Variants in FBXL20 observed in about 807,000 individuals in gnomAD.
The protein encoded by FBXL20 is F-box and leucine rich repeat protein 20.
FBXL20 carries 11 observed loss-of-function variants against 64.0 expected under a neutral mutation model. The observed-to-expected ratio is 0.17, with a 90% confidence interval of 0.11 to 0.28. The LOEUF (loss-of-function observed/expected upper bound fraction) is 0.28. FBXL20 is among the 10% of genes least tolerant of loss of function. FBXL20 has a pLI of 1.00. For missense variants in FBXL20, 303 were observed against 526.2 expected (o/e 0.58, Z 4.15); for synonymous variants, 184 against 189.0 (o/e 0.97, Z 0.22).
chr17:39,269,709 G>T (rs1013366045), intron 11 of FBXL20, among the ~76,000 whole-genome samples: 1 of 150,664 alleles, frequency 6.6e-6, no homozygotes, highest in African/African-American at 2.4e-5. Context: ...TGTGGGTCAG[G>T]CTGATCTCGA....
chr17:39,297,034 AT>A, intron 6 of FBXL20, 92 bp downstream of exon 6: 1 of 697,292 alleles, frequency 1.4e-6, no homozygotes, highest in Non-Finnish European at 2.3e-6. Context: ...CCAAGATAAA[AT>A]TTGCTCAATA....
chr17:39,399,961 G>A (rs993887930), intron 1 of FBXL20, among the ~76,000 whole-genome samples: 3 of 152,098 alleles, frequency 2.0e-5, no homozygotes, highest in Non-Finnish European at 4.4e-5. Context: ...CCTGTTAACT[G>A]CTGAACGTCT....
At chr17:39,338,811 A>T (rs914012942) in intron 2 of FBXL20, among the ~76,000 whole-genome samples, 2 of 152,194 alleles carry the variant, frequency 1.3e-5, no homozygotes, top group Non-Finnish European at 2.9e-5. Flanking sequence ...TGAGAAAACA[A>T]GAGTAAACAT....
chr17:39,309,957 C>A (rs1489870797), intron 2 of FBXL20, among the ~76,000 whole-genome samples: 5 of 151,610 alleles, frequency 3.3e-5, no homozygotes, highest in African/African-American at 9.7e-5. Context: ...GAGTTCAAGA[C>A]CAGCCTGGGC....
At chr17:39,296,867 A>G (rs547656164) in intron 6 of FBXL20, among the ~76,000 whole-genome samples, 2 of 152,306 alleles carry the variant, frequency 1.3e-5, no homozygotes, top group South Asian at 2.1e-4. Context: ...AATCCCAGTA[A>G]TATGTATTAT....
chr17:39,381,818 C>G (rs1332360456), intron 1 of FBXL20, among the ~76,000 whole-genome samples: 1 of 151,108 alleles, frequency 6.6e-6, no homozygotes, highest in Admixed American at 6.6e-5. Flanking sequence ...AAAAAAAGGC[C>G]GGGCACAGTG....
Position 39,388,778 on chromosome 17 carries a change from G to A in FBXL20, c.42+12583C>T, listed in dbSNP as rs1026360484. ...ATTACAGGTGTGAGCCACCGCGCCC[G>A]GCAAAAGCTGCATTTTTTGTTGTGC... On this transcript the variant is annotated intron_variant, in intron 1 of 14. Transcript: ENST00000264658. Among the ~76,000 whole-genome samples, 13 of 147,226 alleles carry A rather than the reference G, an allele frequency of 8.8e-5. No individual in the cohort carries two copies. The East Asian group carries it at 1.6e-3, about 18-fold the overall frequency.
chr17:39,295,807 T>TATATATATATATATATATATA (rs1567867921), intron 6 of FBXL20, among the ~76,000 whole-genome samples: 11 of 126,616 alleles, frequency 8.7e-5, no homozygotes, highest in African/African-American at 2.8e-4. Flanking sequence ...ATATATATAT[T>TATATATATATATATATATATA]AAGTCTTCTG....
At chr17:39,275,228 A>G (rs1377457895) in intron 9 of FBXL20, 128 bp from the exon 10 acceptor site, 2 of 956,352 alleles carry the variant, frequency 2.1e-6, no homozygotes, top group Non-Finnish European at 3.0e-6. Flanking sequence ...CATTCATCAG[A>G]TAGCAGACCT....
chr17:39,386,039 A>AAAC (rs1555615177), intron 1 of FBXL20, among the ~76,000 whole-genome samples: 3 of 145,144 alleles, frequency 2.1e-5, no homozygotes, highest in African/African-American at 7.8e-5. Flanking sequence ...AAAAAAAAAA[A>AAAC]AAAAAACACC....
chr17:39,256,550 TAG>T lies in FBXL20; in HGVS notation c.*4908_*4909del, dbSNP rs749403530. On this transcript the variant is annotated 3_prime_UTR_variant, in exon 15 of 15. Transcript: ENST00000264658. Reference sequence around the variant, plus strand: ...AAAGATTCTAGGATTGGCAGGCAGATAGAGAGGCAATCTTTTTGTAAAATGCT... The same window carrying T: ...AAAGATTCTAGGATTGGCAGGCAGATAGAGGCAATCTTTTTGTAAAATGCT... 4 of 152,250 alleles carry T rather than the reference TAG, an allele frequency of 2.6e-5. No individual in the cohort carries two copies. Among genetic ancestry groups the T allele is most frequent in the Admixed American group, 2.0e-4 (3 of 15,296 alleles). The allele number at this position is 152,250 out of a possible 1,614,324, so 9.4% of individuals were successfully genotyped here. A position where few individuals can be genotyped will look rare whatever the true frequency, so the allele number is the denominator to read the frequency against.
In FBXL20 at chr17:39,254,903, G is replaced by A. The variant is rs2046681101; in HGVS notation, c.*6557C>T. 6.5e-6 allele frequency: 1 copy of A among 152,754 alleles called. No individual in the cohort carries two copies. The highest frequency in any genetic ancestry group is 2.1e-4 in the South Asian group (1 of 4,838). 9.5% of individuals were successfully genotyped at this position (152,754 alleles called of 1,614,324 possible). A position where few individuals can be genotyped will look rare whatever the true frequency, so the allele number is the denominator to read the frequency against. On this transcript the variant is annotated 3_prime_UTR_variant, in exon 15 of 15. Coordinates refer to ENST00000264658, the MANE Select transcript of FBXL20 (RefSeq NM_032875.3). Reference sequence around the variant, plus strand: ...ACCACCCTGGCTGAGGAAGCACTGAGACTCAACCTCTATAAACTGAACTTC... The same window carrying A: ...ACCACCCTGGCTGAGGAAGCACTGAAACTCAACCTCTATAAACTGAACTTC...
chr17:39,343,052 C>A (rs2144571522), intron 2 of FBXL20, 128 bp downstream of exon 2: 2 of 549,064 alleles, frequency 3.6e-6, no homozygotes, highest in Non-Finnish European at 3.1e-6. Context: ...TTGTTCAAAG[C>A]AATCAAATTT....
chr17:39,372,278 T>C, intron 1 of FBXL20, among the ~76,000 whole-genome samples: 1 of 151,796 alleles, frequency 6.6e-6, no homozygotes, highest in African/African-American at 2.4e-5. Context: ...CCCAGCACTT[T>C]GGGAGGCTGA....
intron 1 of FBXL20, among the ~76,000 whole-genome samples, chr17:39,363,810 C>CA (rs71372113): frequency 0.12 from 3,208 of 26,090 alleles, 139 homozygotes; most frequent in East Asian, 0.19. Context: ...GACTTTATCT[C>CA]AAAAAAAAAA....
At chr17:39,289,341 AG>A (rs1261332149) in intron 6 of FBXL20, among the ~76,000 whole-genome samples, 2 of 152,252 alleles carry the variant, frequency 1.3e-5, no homozygotes, top group Non-Finnish European at 2.9e-5. Flanking sequence ...GAACAATTTA[AG>A]GAAAACAAGT....
intron 1 of FBXL20, among the ~76,000 whole-genome samples, chr17:39,350,171 T>G (rs1379015004): frequency 6.6e-6 from 1 of 152,194 alleles, no homozygotes; most frequent in Non-Finnish European, 1.5e-5. Flanking sequence ...ACACATTATA[T>G]GTTGTTCACA....
At position 39,331,111 on chromosome 17, in the gene FBXL20, C is replaced by T. The variant is rs181638640; in HGVS notation, c.104+12069G>A. ...ACCACACCTGGCTAATTTTTATTTT[C>T]GTTTTGTTTTGTTAAGACAGAGTCT... On this transcript the variant is annotated intron_variant, in intron 2 of 14. Transcript: ENST00000264658. Among the ~76,000 whole-genome samples the T allele has an allele frequency of 6.3e-3, 955 of 152,220 alleles. 15 individuals are homozygous for T. The highest frequency in any genetic ancestry group is 0.022 in the African/African-American group (912 of 41,538).
intron 2 of FBXL20, among the ~76,000 whole-genome samples, chr17:39,314,842 G>C (rs2047270449): frequency 1.5e-5 from 2 of 137,786 alleles, no homozygotes; most frequent in South Asian, 4.6e-4. Flanking sequence ...GTGTTGCCCA[G>C]GCTGGAGTGC....
Sources: gnomAD v4.1 joint callset for allele counts (sites outside exome capture counted in the v4.1 genomes callset) on GRCh38, gnomAD v4.1.1 for gene constraint, MANE v1.5 for transcripts, NCBI Gene and HGNC (gene_info 2026-07-23, HGNC 2026-07-21) for gene names.